The following CDC34 variants were observed in gnomAD, a reference collection of about 807,000 sequenced individuals.
The protein encoded by CDC34 is ubiquitin-conjugating enzyme E2 R1.
In CDC34, 18 loss-of-function variants were observed where a neutral mutation model predicts 26.8. That is an observed-to-expected ratio of 0.67 (90% confidence interval 0.47 to 1.00). The LOEUF is 1.00. Among genes scored for constraint, CDC34 ranks in the 50% least tolerant of loss-of-function variants. The probability of loss-of-function intolerance (pLI) is 0.00; values close to 1 mark genes in which losing one functional copy is unlikely to be tolerated. For missense variants in CDC34, 280 were observed against 334.5 expected (o/e 0.84, Z 1.27); for synonymous variants, 178 against 147.5 (o/e 1.21, Z -1.50).
At position 533,827 on chromosome 19, in the gene CDC34, G is replaced by A. The variant is rs183774154; in HGVS notation, c.177+1719G>A. 3.0e-4 allele frequency among the ~76,000 whole-genome samples: 46 copies of A among 152,338 alleles called. No individual in the cohort carries two copies. In the East Asian group the frequency reaches 7.9e-3, roughly 26 times the overall value. Reference sequence around the variant, plus strand: ...TTGAGACGGGGGTGCTGCCACCCACGAGGACTCTCCCTTCCCGCTGTGCCT... The same window carrying A: ...TTGAGACGGGGGTGCTGCCACCCACAAGGACTCTCCCTTCCCGCTGTGCCT... On this transcript the variant is annotated intron_variant, in intron 1 of 4. Transcript: ENST00000215574.
At chr19:537,357 C>G (rs1979803285) in intron 4 of CDC34, among the ~76,000 whole-genome samples, 1 of 151,532 alleles carries the variant, frequency 6.6e-6, no homozygotes, top group African/African-American at 2.4e-5. Context: ...CCCTTTTCCT[C>G]TTTTTTTTTG....
intron 4 of CDC34, among the ~76,000 whole-genome samples, chr19:539,350 C>G (rs1267831488): frequency 6.6e-6 from 1 of 151,552 alleles, no homozygotes; most frequent in Non-Finnish European, 1.5e-5. Context: ...CACCGTCACC[C>G]CCCCAGCCCG....
chr19:535,314 C>A (rs192497408), intron 1 of CDC34, among the ~76,000 whole-genome samples: 66 of 152,390 alleles, frequency 4.3e-4, no homozygotes, highest in Non-Finnish European at 7.9e-4. Context: ...TGACTCATCC[C>A]CTCCCACGGC....
rs766424691 is a variant in CDC34, at chr19:537,007, C to T, written c.363-6C>T. On this transcript the variant is annotated splice_polypyrimidine_tract_variant and splice_region_variant and intron_variant, in intron 3 of 4. Transcript: ENST00000215574. ...GCCGCCCCACTCCGACCCACTCTCC[C>T]CACAGGACCATTCTCCTGAGTGTGA... is the stretch of plus-strand genomic sequence containing the variant. 1.2e-6 allele frequency: 2 copies of T among 1,613,560 alleles called. No homozygotes were observed. The highest frequency in any genetic ancestry group is 1.7e-5 in the Admixed American group (1 of 60,026).
At chr19:539,179 C>T (rs934403462) in intron 4 of CDC34, 2 of 233,900 alleles carry the variant, frequency 8.6e-6, no homozygotes, top group African/African-American at 2.3e-5. Flanking sequence ...TGGAGCCCGG[C>T]TTGGTCAGGG....
Position 541,664 on chromosome 19 carries a change from T to G in CDC34, c.*112T>G, listed in dbSNP as rs1417075471. On this transcript the variant is annotated 3_prime_UTR_variant, in exon 5 of 5. Coordinates refer to ENST00000215574, the MANE Select transcript of CDC34 (RefSeq NM_004359.2). The stretch of plus-strand genomic sequence containing the variant: ...TGCTGGTCCCCGTCTCCTCTGGTTG[T>G]TTCGTTTTGGCTTTTTCTCCCTCCC... 9.2e-6 allele frequency: 12 copies of G among 1,300,940 alleles called. No homozygotes were observed. The highest frequency in any genetic ancestry group is 1.2e-5 in the Non-Finnish European group (12 of 974,582). The allele number at this position is 1,300,940 out of a possible 1,614,324, so 80.6% of individuals were successfully genotyped here. A position where few individuals can be genotyped will look rare whatever the true frequency, so the allele number is the denominator to read the frequency against.
At chr19:537,937 G>A (rs541031513) in intron 4 of CDC34, among the ~76,000 whole-genome samples, 4 of 152,356 alleles carry the variant, frequency 2.6e-5, no homozygotes, top group Non-Finnish European at 4.4e-5. Context: ...GATGACAGGC[G>A]TGAGCCACTG....
intron 3 of CDC34, chr19:536,697 G>T: frequency 1.9e-6 from 1 of 530,156 alleles, no homozygotes; most frequent in East Asian, 3.2e-5. Context: ...TCGTCCCCAG[G>T]TACAAGCACT....
chr19:537,644 G>A (rs1394245567), intron 4 of CDC34, among the ~76,000 whole-genome samples: 6 of 97,692 alleles, frequency 6.1e-5, no homozygotes, highest in Non-Finnish European at 9.0e-5. Flanking sequence ...GAGCCACCGC[G>A]GCCGGCCTTT....
At position 537,060 on chromosome 19, in the gene CDC34, T is replaced by A; in HGVS notation, c.410T>A (p.Phe137Tyr). The A allele has an allele frequency of 6.2e-7, 1 of 1,613,886 alleles. No individual in the cohort carries two copies. Among genetic ancestry groups the A allele is most frequent in the South Asian group, 1.1e-5 (1 of 91,078 alleles). Residue 137 changes from phenylalanine to tyrosine, a missense_variant, in exon 4 of 5, where the codon TTC (phenylalanine) becomes TAC (tyrosine). Coordinates refer to ENST00000215574, the MANE Select transcript of CDC34 (RefSeq NM_004359.2). ...VISLLNEPNT[F>Y]SPANVDASVM... ...TCCCTCCTGAACGAGCCCAACACCT[T>A]CTCGCCCGCAAACGTGGACGCCTCC...
At chr19:535,730 C>T in intron 1 of CDC34, 107 bp from the exon 2 acceptor site, 1 of 853,442 alleles carries the variant, frequency 1.2e-6, no homozygotes, top group Non-Finnish European at 2.0e-6. Context: ...CCCTCACACA[C>T]ACCCTCAGGC....
rs369737989 is a variant in CDC34 at position 536,237 on chromosome 19, G to A, written c.265-6G>A. ...ACCTGTTCTGACCTGTCTTCTTCTTGTGCAGACGGGGGACGTGTGTATCTC... is the reference window on the plus strand; with the variant it reads ...ACCTGTTCTGACCTGTCTTCTTCTTATGCAGACGGGGGACGTGTGTATCTC... On this transcript the variant is annotated splice_polypyrimidine_tract_variant and splice_region_variant and intron_variant, in intron 2 of 4. Transcript: ENST00000215574. 1 of 1,601,082 alleles carries A rather than the reference G, an allele frequency of 6.2e-7. No individual in the cohort carries two copies. The highest frequency in any genetic ancestry group is 1.3e-5 in the African/African-American group (1 of 74,806).
intron 4 of CDC34, among the ~76,000 whole-genome samples, chr19:540,029 C>T (rs1265416232): frequency 1.4e-4 from 19 of 133,080 alleles, no homozygotes; most frequent in Admixed American, 2.2e-4. Context: ...ATCCGGAGGC[C>T]GGGGTGGCCA....
At chr19:533,231 C>T (rs1045148254) in intron 1 of CDC34, among the ~76,000 whole-genome samples, 10 of 152,096 alleles carry the variant, frequency 6.6e-5, no homozygotes, top group African/African-American at 2.4e-4. Flanking sequence ...AGGAATCTCC[C>T]CCTCCCACCG....
chr19:541,579 T>G lies in CDC34; in HGVS notation c.*27T>G. ...ACCACCAGAATAAACTTGCCGAGTT[T>G]ACCTCACTAGGGCCGGACCCGTGGC... On this transcript the variant is annotated 3_prime_UTR_variant, in exon 5 of 5. Transcript: ENST00000215574. 1.9e-6 allele frequency: 3 copies of G among 1,544,292 alleles called. No homozygotes were observed. The highest frequency in any genetic ancestry group is 2.6e-6 in the Non-Finnish European group (3 of 1,142,248).
chr19:539,071 C>T, intron 4 of CDC34: 1 of 933,078 alleles, frequency 1.1e-6, no homozygotes, highest in Non-Finnish European at 1.3e-6. Context: ...GCCATGTGGA[C>T]TCTGCTGTGG....
Position 540,765 on chromosome 19 carries a change from CCGGGTTTAGAAT to C in CDC34, c.498-572_498-561del, listed in dbSNP as rs1309419826. Among the ~76,000 whole-genome samples the C allele has an allele frequency of 3.1e-4, 32 of 103,378 alleles. 2 individuals are homozygous for C. The highest frequency in any genetic ancestry group is 5.4e-3 in the Middle Eastern group (1 of 184). The allele number at this position is 103,378 out of a possible 152,430, so 67.8% of individuals were successfully genotyped here. A position where few individuals can be genotyped will look rare whatever the true frequency, so the allele number is the denominator to read the frequency against. ...TCCGGAGGCTGGGATGGCCAGGCCC[CCGGGTTTAGAAT>C]CCAGAGGCTGGGATGGCCAGGCCCC... is the stretch of plus-strand genomic sequence containing the variant. On this transcript the variant is annotated intron_variant, in intron 4 of 4. Coordinates refer to ENST00000215574, the MANE Select transcript of CDC34 (RefSeq NM_004359.2).
intron 2 of CDC34, 48 bp from the exon 3 acceptor site, chr19:536,195 G>A (rs1420562927): frequency 3.5e-6 from 5 of 1,444,300 alleles, no homozygotes; most frequent in African/African-American, 1.4e-5. Flanking sequence ...GGCACTGGGA[G>A]CCCGTGCTGA....
intron 1 of CDC34, 72 bp downstream of exon 1, chr19:532,180 C>A: frequency 2.4e-6 from 3 of 1,259,148 alleles, no homozygotes; most frequent in Non-Finnish European, 3.2e-6. Flanking sequence ...CAGCTCCCTG[C>A]CCCGCGGTCC....
Sources: gnomAD v4.1 joint callset for allele counts (sites outside exome capture counted in the v4.1 genomes callset) on GRCh38, gnomAD v4.1.1 for gene constraint, MANE v1.5 for transcripts, NCBI Gene and HGNC (gene_info 2026-07-23, HGNC 2026-07-21) for gene names.